SYK: variants seen among roughly 807,000 people sequenced by gnomAD.
SYK encodes the protein spleen associated tyrosine kinase.
Under a neutral mutation model 77.8 loss-of-function variants are expected in SYK, and 16 were observed. That is an observed-to-expected ratio of 0.21 (90% CI 0.14 to 0.31). SYK has a LOEUF of 0.31. Among genes scored for constraint, SYK ranks in the 10% least tolerant of loss-of-function variants. The probability of loss-of-function intolerance (pLI) is 1.00; values close to 1 mark genes in which losing one functional copy is unlikely to be tolerated. For synonymous variants in SYK, 312 were observed against 308.7 expected, an observed-to-expected ratio of 1.01 and a Z score of -0.11; for missense variants, 529 against 814.4, an observed-to-expected ratio of 0.65 and a Z score of 4.26.
chr9:90,855,712 G>C lies in SYK; in HGVS notation c.579-6494G>C, dbSNP rs190011260. Among the ~76,000 whole-genome samples the C allele has an allele frequency of 1.2e-4, 19 of 152,186 alleles. No homozygotes were observed. The East Asian group carries it at 1.9e-3, about 15-fold the overall frequency. On this transcript the variant is annotated intron_variant, in intron 3 of 13. Coordinates refer to ENST00000375754, the MANE Select transcript of SYK (RefSeq NM_003177.7). ...TGGGTGTGTGTGAGAGAGAGAGAGA[G>C]AGAGAGACAGACAGAGAAAAAGAAA...
At chr9:90,835,837 A>T (rs1397454348) in intron 1 of SYK, among the ~76,000 whole-genome samples, 1 of 152,172 alleles carries the variant, frequency 6.6e-6, no homozygotes, top group East Asian at 1.9e-4. Flanking sequence ...CATTTTTATT[A>T]CAAAAGCAAC....
At chr9:90,812,741 ATGTG>A (rs759021735) in intron 1 of SYK, among the ~76,000 whole-genome samples, 1 of 109,896 alleles carries the variant, frequency 9.1e-6, no homozygotes, top group African/African-American at 3.3e-5. Context: ...CCCATTTGAT[ATGTG>A]TGTGTGTGTG....
At chr9:90,834,215 C>T (rs1250035312) in intron 1 of SYK, among the ~76,000 whole-genome samples, 3 of 152,220 alleles carry the variant, frequency 2.0e-5, no homozygotes, top group Admixed American at 6.5e-5. Flanking sequence ...CACACATGCA[C>T]ACACATGCAT....
intron 1 of SYK, among the ~76,000 whole-genome samples, chr9:90,811,940 A>G (rs1245637474): frequency 3.9e-4 from 5 of 12,770 alleles, no homozygotes; most frequent in African/African-American, 5.6e-4. Context: ...ATAATAAGTG[A>G]AAAAAAAAAA....
intron 7 of SYK, among the ~76,000 whole-genome samples, chr9:90,869,999 T>C (rs1827667328): frequency 6.6e-6 from 1 of 152,048 alleles, no homozygotes; most frequent in Non-Finnish European, 1.5e-5. Context: ...TCCCAGCTAC[T>C]CAGGAGGCTG....
intron 3 of SYK, among the ~76,000 whole-genome samples, chr9:90,856,587 A>T (rs1564098443): frequency 7.8e-6 from 1 of 128,600 alleles, no homozygotes; most frequent in African/African-American, 3.3e-5. Flanking sequence ...AATTTCTAGC[A>T]GTTCTGTTTG....
intron 1 of SYK, among the ~76,000 whole-genome samples, chr9:90,809,550 C>G (rs1399003851): frequency 2.0e-5 from 3 of 152,206 alleles, no homozygotes; most frequent in African/African-American, 7.2e-5. Flanking sequence ...TACTCATCAC[C>G]AATGGTTACA....
chr9:90,828,459 G>C (rs1345352033), intron 1 of SYK, among the ~76,000 whole-genome samples: 3 of 152,118 alleles, frequency 2.0e-5, no homozygotes, highest in Non-Finnish European at 4.4e-5. Flanking sequence ...CCAGAGAAGA[G>C]TGAGTGATGA....
chr9:90,887,283 A>C (rs1828613898), intron 11 of SYK, among the ~76,000 whole-genome samples: 1 of 152,080 alleles, frequency 6.6e-6, no homozygotes, highest in African/African-American at 2.4e-5. Flanking sequence ...TTGTCTATAT[A>C]GAGGGTGTTT....
chr9:90,867,072 G>T, intron 6 of SYK, 59 bp from the exon 7 acceptor site: 2 of 1,590,584 alleles, frequency 1.3e-6, no homozygotes, highest in Non-Finnish European at 1.7e-6. Flanking sequence ...GTCGTGGAAG[G>T]GATCCTGTAT....
chr9:90,829,288 CAAA>C (rs201754721), intron 1 of SYK, among the ~76,000 whole-genome samples: 48 of 138,950 alleles, frequency 3.5e-4, no homozygotes, highest in South Asian at 9.2e-4. Flanking sequence ...GACTCCGTCT[CAAA>C]AAAAAAAAAA....
rs1587925113 is a variant in SYK at position 90,888,634 on chromosome 9, A to G, written c.1835+7A>G. The G allele has an allele frequency of 6.4e-7, 1 of 1,572,022 alleles. No individual in the cohort carries two copies. ...ATCTGTGCTGGACATACGAGTGAGT[A>G]CCTGACACTGACTGTGATGTATTCA... On this transcript the variant is annotated splice_region_variant and intron_variant, in intron 13 of 13. Coordinates refer to ENST00000375754, the MANE Select transcript of SYK (RefSeq NM_003177.7).
At chr9:90,847,697 A>G (rs914990053) in intron 3 of SYK, among the ~76,000 whole-genome samples, 3 of 152,230 alleles carry the variant, frequency 2.0e-5, no homozygotes, top group African/African-American at 7.2e-5. Flanking sequence ...CCATGTTCCC[A>G]TGATGGTTGT....
chr9:90,861,200 G>A (rs1471184030), intron 3 of SYK, among the ~76,000 whole-genome samples: 1 of 152,096 alleles, frequency 6.6e-6, no homozygotes, highest in Non-Finnish European at 1.5e-5. Context: ...GGTCTTCCAG[G>A]GGATCTCTCA....
chr9:90,840,128 G>A (rs1160872629), intron 1 of SYK, among the ~76,000 whole-genome samples: 3 of 152,178 alleles, frequency 2.0e-5, no homozygotes, highest in African/African-American at 4.8e-5. Context: ...CCTGGAAAAC[G>A]AACCTTAGAG....
chr9:90,850,303 G>A (rs1455314993), intron 3 of SYK, among the ~76,000 whole-genome samples: 2 of 152,164 alleles, frequency 1.3e-5, no homozygotes, highest in African/African-American at 2.4e-5. Flanking sequence ...CAATCACAAG[G>A]TCTAGAGATC....
chr9:90,877,259 C>T (rs370672116), intron 9 of SYK, among the ~76,000 whole-genome samples: 20 of 152,208 alleles, frequency 1.3e-4, no homozygotes, highest in African/African-American at 4.8e-4. Context: ...CCCAGGCTGA[C>T]CTTGAACTTC....
chr9:90,816,673 A>G (rs1444196427), intron 1 of SYK, among the ~76,000 whole-genome samples: 1 of 152,218 alleles, frequency 6.6e-6, no homozygotes, highest in Non-Finnish European at 1.5e-5. Flanking sequence ...GCAACTTTGT[A>G]GTCTTTGACT....
intron 11 of SYK, among the ~76,000 whole-genome samples, chr9:90,883,887 C>A (rs1256490646): frequency 6.6e-6 from 1 of 152,112 alleles, no homozygotes; most frequent in East Asian, 1.9e-4. Context: ...CTACTAACAC[C>A]AGTGCTAGTG....
Sources: gnomAD v4.1 joint callset for allele counts (sites outside exome capture counted in the v4.1 genomes callset) on GRCh38, gnomAD v4.1.1 for gene constraint, MANE v1.5 for transcripts, NCBI Gene and HGNC (gene_info 2026-07-23, HGNC 2026-07-21) for gene names.